Variants in CCDC126 observed in about 807,000 individuals in gnomAD.
CCDC126 encodes the protein coiled-coil domain containing 126.
A neutral mutation model predicts 11.7 loss-of-function variants in CCDC126; 5 were observed. The observed-to-expected ratio is 0.43, with a 90% CI of 0.22 to 0.90. CCDC126 has a LOEUF of 0.90. Ranked by LOEUF, CCDC126 falls within the 40% of genes least tolerant of loss-of-function variation. The probability of loss-of-function intolerance (pLI) is 0.27; values close to 1 mark genes in which losing one functional copy is unlikely to be tolerated. For missense variants in CCDC126, 150 were observed against 163.1 expected (o/e 0.92, Z 0.44); for synonymous variants, 60 against 61.9 (o/e 0.97, Z 0.14).
In CCDC126 at chr7:23,610,918, T is replaced by C. The variant is rs563072627; in HGVS notation, c.-145-253T>C. ...GTTTTAGTTACAAATGAGAAACAAT[T>C]TGAAGAGTTTTATGACCATGGTTGC... On this transcript the variant is annotated intron_variant, in intron 2 of 3. Transcript: ENST00000307471. Among the ~76,000 whole-genome samples, 5 of 152,278 alleles carry C rather than the reference T, an allele frequency of 3.3e-5. No homozygotes were observed. The East Asian group carries it at 5.8e-4, about 18-fold the overall frequency.
chr7:23,635,697 T>A (rs1411516764), intron 3 of CCDC126, among the ~76,000 whole-genome samples: 3 of 152,236 alleles, frequency 2.0e-5, no homozygotes, highest in African/African-American at 7.2e-5. Context: ...ATTGTAAAGT[T>A]ATCATATAGT....
At chr7:23,641,514 G>A (rs1382787199) in intron 3 of CCDC126, among the ~76,000 whole-genome samples, 1 of 152,142 alleles carries the variant, frequency 6.6e-6, no homozygotes, top group Admixed American at 6.5e-5. Flanking sequence ...TATCGATGAA[G>A]TCCAGTTTAT....
intron 3 of CCDC126, among the ~76,000 whole-genome samples, chr7:23,619,134 C>G (rs950150470): frequency 6.6e-6 from 1 of 152,164 alleles, no homozygotes; most frequent in Non-Finnish European, 1.5e-5. Context: ...GAAAATACAT[C>G]TCAGATCTTC....
chr7:23,628,089 C>T (rs534791190), intron 3 of CCDC126, among the ~76,000 whole-genome samples: 1 of 152,202 alleles, frequency 6.6e-6, no homozygotes, highest in African/African-American at 2.4e-5. Flanking sequence ...TTTTCAGAAG[C>T]AGGCTATTGG....
intron 3 of CCDC126, among the ~76,000 whole-genome samples, chr7:23,635,386 C>CA (rs143586029): frequency 1.3e-5 from 2 of 152,258 alleles, no homozygotes; most frequent in Non-Finnish European, 2.9e-5. Flanking sequence ...CCTTCAGTGA[C>CA]AGAGCTTTAT....
chr7:23,643,708 T>C lies in CCDC126; in HGVS notation c.*593T>C. On this transcript the variant is annotated 3_prime_UTR_variant, in exon 4 of 4. Coordinates refer to ENST00000307471, the MANE Select transcript of CCDC126 (RefSeq NM_138771.4). The stretch of plus-strand genomic sequence containing the variant: ...CAGAATAACTGAAGGTTAATTATTG[T>C]ATATTTTTAAAAATTACACTTATAA... The C allele has an allele frequency of 6.5e-6, 1 of 152,738 alleles. No individual in the cohort carries two copies. The allele number at this position is 152,738 out of a possible 1,614,324, so 9.5% of individuals were successfully genotyped here. A position where few individuals can be genotyped will look rare whatever the true frequency, so the allele number is the denominator to read the frequency against.
chr7:23,629,494 G>A (rs937694034), intron 3 of CCDC126, among the ~76,000 whole-genome samples: 2 of 151,952 alleles, frequency 1.3e-5, no homozygotes, highest in African/African-American at 4.8e-5. Context: ...CTAAGACAAT[G>A]ATATATTAGA....
intron 3 of CCDC126, among the ~76,000 whole-genome samples, chr7:23,613,969 T>C (rs867807956): frequency 6.6e-5 from 10 of 152,246 alleles, no homozygotes; most frequent in Admixed American, 1.3e-4. Context: ...CTTCAGCAAG[T>C]CATAATCCTT....
intron 3 of CCDC126, among the ~76,000 whole-genome samples, chr7:23,628,303 G>A (rs1405712194): frequency 1.3e-5 from 2 of 152,190 alleles, no homozygotes; most frequent in Non-Finnish European, 2.9e-5. Context: ...AGGAGACCAG[G>A]AGTGACACAG....
At chr7:23,616,630 A>G (rs1164456619) in intron 3 of CCDC126, among the ~76,000 whole-genome samples, 2 of 152,090 alleles carry the variant, frequency 1.3e-5, no homozygotes, top group Non-Finnish European at 2.9e-5. Flanking sequence ...TTTACTCCTC[A>G]TCCCCCTAGG....
In CCDC126 at chr7:23,643,168, C is replaced by A; in HGVS notation, c.*53C>A. Reference sequence around the variant, plus strand: ...ATCCACTGTGGATTATATCCTATGGCAGAAAAGCTTTATAATTGCTGGCTT... The same window carrying A: ...ATCCACTGTGGATTATATCCTATGGAAGAAAAGCTTTATAATTGCTGGCTT... On this transcript the variant is annotated 3_prime_UTR_variant, in exon 4 of 4. Coordinates refer to ENST00000307471, the MANE Select transcript of CCDC126 (RefSeq NM_138771.4). 3 of 1,497,948 alleles carry A rather than the reference C, an allele frequency of 2.0e-6. No homozygotes were observed. The highest frequency in any genetic ancestry group is 2.7e-6 in the Non-Finnish European group (3 of 1,096,102). 92.8% of individuals were successfully genotyped at this position (1,497,948 alleles called of 1,614,324 possible). A position where few individuals can be genotyped will look rare whatever the true frequency, so the allele number is the denominator to read the frequency against.
chr7:23,623,545 G>A (rs548579972), intron 3 of CCDC126, among the ~76,000 whole-genome samples: 26 of 149,766 alleles, frequency 1.7e-4, no homozygotes, highest in Admixed American at 1.4e-3. Context: ...GTGGTGGGCC[G>A]AAGTTGTGCC....
chr7:23,618,518 T>C (rs1782832230), intron 3 of CCDC126, among the ~76,000 whole-genome samples: 1 of 150,370 alleles, frequency 6.7e-6, no homozygotes, highest in East Asian at 2.0e-4. Flanking sequence ...TCCCAACAAC[T>C]GGAGACAAAG....
chr7:23,640,066 C>T (rs1379201932), intron 3 of CCDC126, among the ~76,000 whole-genome samples: 1 of 151,874 alleles, frequency 6.6e-6, no homozygotes, highest in African/African-American at 2.4e-5. Context: ...GCTTGTAATC[C>T]CAGCTACTCG....
chr7:23,629,955 G>C (rs1406811015), intron 3 of CCDC126, among the ~76,000 whole-genome samples: 1 of 152,158 alleles, frequency 6.6e-6, no homozygotes, highest in Non-Finnish European at 1.5e-5. Context: ...AAAAGACAGA[G>C]TCCTCAGATT....
intron 2 of CCDC126, among the ~76,000 whole-genome samples, chr7:23,607,935 G>A (rs1782647633): frequency 6.6e-6 from 1 of 152,228 alleles, no homozygotes; most frequent in Non-Finnish European, 1.5e-5. Flanking sequence ...GGGAAGCATA[G>A]CCTCCGTCCA....
intron 3 of CCDC126, among the ~76,000 whole-genome samples, chr7:23,631,784 A>C (rs553626527): frequency 6.6e-6 from 1 of 151,910 alleles, no homozygotes; most frequent in African/African-American, 2.4e-5. Context: ...AATTTAATTT[A>C]TAATTTAAAA....
chr7:23,618,397 C>T (rs1244643108), intron 3 of CCDC126, among the ~76,000 whole-genome samples: 1 of 152,120 alleles, frequency 6.6e-6, no homozygotes, highest in Non-Finnish European at 1.5e-5. Flanking sequence ...TATCTAGAGC[C>T]CCACTCTGAG....
chr7:23,597,739 G>A (rs1412474006), intron 1 of CCDC126, 134 bp downstream of exon 1: 1 of 152,238 alleles, frequency 6.6e-6, no homozygotes, highest in Non-Finnish European at 1.5e-5. Flanking sequence ...GCGGAAACCC[G>A]GCTTAGGAAC....
Sources: allele counts gnomAD v4.1 joint callset (sites outside exome capture counted in the v4.1 genomes callset), GRCh38; gene constraint gnomAD v4.1.1; transcripts MANE v1.5; gene names NCBI Gene and HGNC (gene_info 2026-07-23, HGNC 2026-07-21).